DHRS1: variants seen among roughly 807,000 people sequenced by gnomAD.
DHRS1 encodes dehydrogenase/reductase SDR family member 1.
In DHRS1, 34 loss-of-function variants were observed where a neutral mutation model predicts 35.2. The ratio of observed to expected loss-of-function variants is 0.97; its 90% CI spans 0.74 to 1.29. The LOEUF is 1.29. DHRS1 is among the 50% of genes most tolerant of loss of function. DHRS1 has a pLI of 0.00. For missense variants in DHRS1, 354 were observed against 403.6 expected (o/e 0.88, Z 1.05); for synonymous variants, 133 against 160.0 (o/e 0.83, Z 1.27).
chr14:24,298,819 T>C, intron 2 of DHRS1, 138 bp downstream of exon 2: 1 of 1,105,882 alleles, frequency 9.0e-7, no homozygotes, highest in South Asian at 2.4e-5. Flanking sequence ...ACGGGGTTTT[T>C]AATTTCCACT....
chr14:24,291,042 T>C, intron 8 of DHRS1, 47 bp from the exon 9 acceptor site: 1 of 1,613,394 alleles, frequency 6.2e-7, no homozygotes, highest in Non-Finnish European at 8.5e-7. Context: ...TTCCCACTCC[T>C]CAGATACCCT....
Position 24,299,604 on chromosome 14 carries a change from G to C in DHRS1, c.-48C>G, listed in dbSNP as rs1467385603. Reference sequence around the variant, plus strand: ...ACCTGCCACCTGCGCTGCCGCTGAGGTCTGCAGATTGCGGGGCTGCGGTGG... The same window carrying C: ...ACCTGCCACCTGCGCTGCCGCTGAGCTCTGCAGATTGCGGGGCTGCGGTGG... On this transcript the variant is annotated 5_prime_UTR_variant, in exon 1 of 9. Coordinates refer to ENST00000288111, the MANE Select transcript of DHRS1 (RefSeq NM_001136050.3). 3.6e-6 allele frequency: 1 copy of C among 279,536 alleles called. No homozygotes were observed. The highest frequency in any genetic ancestry group is 2.2e-5 in the African/African-American group (1 of 45,698). 17.3% of individuals were successfully genotyped at this position (279,536 alleles called of 1,614,324 possible).
At chr14:24,296,635 G>T (rs777276413) in intron 3 of DHRS1, 47 bp from the exon 4 acceptor site, 1 of 1,613,664 alleles carries the variant, frequency 6.2e-7, no homozygotes, top group South Asian at 1.1e-5. Context: ...GTAGGGAGGT[G>T]TGAGGGGCTG....
At chr14:24,297,493 C>T (rs1420840977) in intron 2 of DHRS1, among the ~76,000 whole-genome samples, 1 of 152,204 alleles carries the variant, frequency 6.6e-6, no homozygotes, top group African/African-American at 2.4e-5. Context: ...TGCTCTGGGT[C>T]CCCGCCTATT....
chr14:24,291,329 T>A, intron 7 of DHRS1, 110 bp from the exon 8 acceptor site: 1 of 1,226,648 alleles, frequency 8.2e-7, no homozygotes, highest in Non-Finnish European at 1.2e-6. Flanking sequence ...TCAGGATCCC[T>A]GGAGAGCTCT....
chr14:24,297,006 G>T, intron 2 of DHRS1, 125 bp from the exon 3 acceptor site: 2 of 1,333,156 alleles, frequency 1.5e-6, no homozygotes, highest in South Asian at 1.3e-5. Flanking sequence ...TGCTGCAGAG[G>T]CAACATGGCA....
chr14:24,291,636 G>A lies in DHRS1; in HGVS notation c.655-11C>T, dbSNP rs1269010488. 6.2e-7 allele frequency: 1 copy of A among 1,613,796 alleles called. No individual in the cohort carries two copies. Among genetic ancestry groups the A allele is most frequent in the African/African-American group, 1.3e-5 (1 of 75,034 alleles). The stretch of plus-strand genomic sequence containing the variant: ...GAAGGCTGATTTGAACTGAAACACA[G>A]GGGCAGAGAAGTGAAGGGTTAATTT... On this transcript the variant is annotated splice_polypyrimidine_tract_variant and intron_variant, in intron 6 of 8. Coordinates refer to ENST00000288111, the MANE Select transcript of DHRS1 (RefSeq NM_001136050.3).
Position 24,299,258 on chromosome 14 carries a change from A to G in DHRS1, c.-24-128T>C, listed in dbSNP as rs1386752420. 8.2e-6 allele frequency: 7 copies of G among 854,144 alleles called. No individual in the cohort carries two copies. The Admixed American group carries it at 8.9e-5, about 11-fold the overall frequency. 52.9% of individuals were successfully genotyped at this position (854,144 alleles called of 1,614,324 possible). On this transcript the variant is annotated intron_variant, in intron 1 of 8. Transcript: ENST00000288111. ...GCCAAGGTAAGAATCCTTTGAGGGG[A>G]GAGGAGTCAGAGGCTGACAACTGGG...
chr14:24,292,079 C>A, intron 6 of DHRS1, 105 bp downstream of exon 6: 2 of 1,421,028 alleles, frequency 1.4e-6, no homozygotes, highest in Non-Finnish European at 2.0e-6. Context: ...CAGCCCTGCA[C>A]CTGCCACAGT....
chr14:24,292,869 C>T, intron 4 of DHRS1, 85 bp from the exon 5 acceptor site: 1 of 1,496,604 alleles, frequency 6.7e-7, no homozygotes, highest in South Asian at 1.3e-5. Flanking sequence ...CCCCTGCCTT[C>T]TGGTGGTTGT....
chr14:24,292,470 G>A, intron 5 of DHRS1, 140 bp from the exon 6 acceptor site: 1 of 1,468,736 alleles, frequency 6.8e-7, no homozygotes, highest in Non-Finnish European at 9.3e-7. Flanking sequence ...ACGCTCCCCA[G>A]TGTGATGCCT....
rs1232665091 is a variant in DHRS1, at chr14:24,292,243, C to G, written c.595G>C (p.Glu199Gln). The change falls in exon 6 of 9, where the codon GAA (glutamate) becomes CAA (glutamine). Residue 199 changes from glutamate (E) to glutamine (Q), a missense_variant. By Grantham distance (29) the Glu-to-Gln change is conservative (BLOSUM62 2). Coordinates refer to ENST00000288111, the MANE Select transcript of DHRS1 (RefSeq NM_001136050.3). ...TTTGCCATATGCTCCTTCAGCAGTT[C>G]TGTCTGCACAATCCCCGGCCACAGA... is the stretch of plus-strand genomic sequence containing the variant. Reference protein sequence around the residue: ...VSLWPGIVQTELLKEHMAKEE... With the variant: ...VSLWPGIVQTQLLKEHMAKEE... 1 of 1,614,074 alleles carries G rather than the reference C, an allele frequency of 6.2e-7. No individual in the cohort carries two copies. Among genetic ancestry groups the G allele is most frequent in the Non-Finnish European group, 8.5e-7 (1 of 1,180,060 alleles).
intron 2 of DHRS1, 48 bp from the exon 3 acceptor site, chr14:24,296,929 G>C: frequency 6.2e-7 from 1 of 1,610,514 alleles, no homozygotes; most frequent in Non-Finnish European, 8.5e-7. Context: ...ATGGGTGTGA[G>C]TCATGACAAA....
chr14:24,290,703 G>GC lies in DHRS1; in HGVS notation c.*155_*156insG. ...AACCAAGGCACAAAGAAGGGACCTA[G>GC]GCGCACCCCAGAACTCACCACGGAC... is the stretch of plus-strand genomic sequence containing the variant. On this transcript the variant is annotated 3_prime_UTR_variant, in exon 9 of 9. Coordinates refer to ENST00000288111, the MANE Select transcript of DHRS1 (RefSeq NM_001136050.3). 1.2e-6 allele frequency: 1 copy of GC among 865,500 alleles called. No homozygotes were observed. Among genetic ancestry groups the GC allele is most frequent in the Non-Finnish European group, 1.8e-6 (1 of 559,056 alleles). 53.6% of individuals were successfully genotyped at this position (865,500 alleles called of 1,614,324 possible). A position where few individuals can be genotyped will look rare whatever the true frequency, so the allele number is the denominator to read the frequency against.
intron 4 of DHRS1, chr14:24,294,273 T>C: frequency 6.6e-6 from 1 of 151,950 alleles, no homozygotes; most frequent in Non-Finnish European, 1.5e-5. Flanking sequence ...CAAAGATACA[T>C]GTATATTTCT....
intron 4 of DHRS1, chr14:24,293,219 A>G (rs966043780): frequency 3.2e-5 from 5 of 157,882 alleles, no homozygotes; most frequent in South Asian, 1.8e-4. Flanking sequence ...TTATAGCTCA[A>G]TAAGACCTTT....
At position 24,296,791 on chromosome 14, in the gene DHRS1, C is replaced by G. The variant is rs756844823; in HGVS notation, c.241G>C (p.Glu81Gln). 2 of 1,614,244 alleles carry G rather than the reference C, an allele frequency of 1.2e-6. No homozygotes were observed. Among genetic ancestry groups the G allele is most frequent in the Non-Finnish European group, 1.7e-6 (2 of 1,180,050 alleles). ...AGCACATCTAGACGCCCTTGCTGTT[C>G]CCGATCCACTTGCTCAAACAGGCTT... Reference protein sequence around the residue: ...VRSLFEQVDREQQGRLDVLVN... With the variant: ...VRSLFEQVDRQQQGRLDVLVN... The change falls in exon 3 of 9, where the codon GAA becomes CAA. Residue 81 changes from glutamate to glutamine, a missense_variant. Transcript: ENST00000288111.
In DHRS1 at chr14:24,298,366, T is replaced by G. The variant is rs566654128; in HGVS notation, c.150+591A>C. Reference sequence around the variant, plus strand: ...TGTACTCCACCATGGACTGAATCTTTGAAGAGCAGAAATTAGATTTTATTA... The same window carrying G: ...TGTACTCCACCATGGACTGAATCTTGGAAGAGCAGAAATTAGATTTTATTA... On this transcript the variant is annotated intron_variant, in intron 2 of 8. Transcript: ENST00000288111. 2.6e-5 allele frequency among the ~76,000 whole-genome samples: 4 copies of G among 152,348 alleles called. No individual in the cohort carries two copies. The East Asian group carries it at 5.8e-4, about 22-fold the overall frequency.
In DHRS1 at chr14:24,292,349, C is replaced by A. The variant is rs1254762054; in HGVS notation, c.508-19G>T. On this transcript the variant is annotated intron_variant, in intron 5 of 8. Coordinates refer to ENST00000288111, the MANE Select transcript of DHRS1 (RefSeq NM_001136050.3). ...TGTCACACTGTGGAGAGGCGGAAGGCAGGGTAAGAGCCACCTAGCCATGTC... is the reference window on the plus strand; with the variant it reads ...TGTCACACTGTGGAGAGGCGGAAGGAAGGGTAAGAGCCACCTAGCCATGTC... 2 of 1,613,402 alleles carry A rather than the reference C, an allele frequency of 1.2e-6. No individual in the cohort carries two copies. Among genetic ancestry groups the A allele is most frequent in the Admixed American group, 1.7e-5 (1 of 60,020 alleles).
Sources: allele counts gnomAD v4.1 joint callset (sites outside exome capture counted in the v4.1 genomes callset), GRCh38; gene constraint gnomAD v4.1.1; transcripts MANE v1.5; gene names NCBI Gene and HGNC (gene_info 2026-07-23, HGNC 2026-07-21).